Variants in PKD2L2 observed in about 807,000 individuals in gnomAD.
PKD2L2 encodes polycystin 2 like 2, transient receptor potential cation channel.
Under a neutral mutation model 83.9 loss-of-function variants are expected in PKD2L2, and 67 were observed. That is an observed-to-expected ratio of 0.80 (90% CI 0.66 to 0.98). The LOEUF is 0.98. Ranked by LOEUF, PKD2L2 falls within the 50% of genes least tolerant of loss-of-function variation. The probability of loss-of-function intolerance (pLI) is 0.00; values close to 1 mark genes in which losing one functional copy is unlikely to be tolerated. For missense variants in PKD2L2, 632 were observed against 717.2 expected (o/e 0.88, Z 1.36); for synonymous variants, 223 against 237.8 (o/e 0.94, Z 0.57).
At chr5:137,907,447 G>T (rs1757456226) in intron 6 of PKD2L2, among the ~76,000 whole-genome samples, 1 of 152,150 alleles carries the variant, frequency 6.6e-6, no homozygotes, top group Non-Finnish European at 1.5e-5. Context: ...AAATCCTTAT[G>T]GCCTCAGAGT....
chr5:137,928,598 A>G (rs372950506), intron 12 of PKD2L2, among the ~76,000 whole-genome samples: 1 of 152,040 alleles, frequency 6.6e-6, no homozygotes, highest in South Asian at 2.1e-4. Flanking sequence ...CACCCAGCTA[A>G]ATTTTGTGTT....
Position 137,907,761 on chromosome 5 carries a change from C to A in PKD2L2, c.995C>A (p.Ser332Tyr). The A allele has an allele frequency of 6.6e-7, 1 of 1,511,304 alleles. No homozygotes were observed. The highest frequency in any genetic ancestry group is 8.9e-7 in the Non-Finnish European group (1 of 1,125,080). 93.6% of individuals were successfully genotyped at this position (1,511,304 alleles called of 1,614,324 possible). A position where few individuals can be genotyped will look rare whatever the true frequency, so the allele number is the denominator to read the frequency against. ...ATTTAGTTGTGTTTTGTGGCTGTTT[C>A]CTTCAACACATACTATAATGTACAA... ...LLLLLCFVAV[S>Y]FNTYYNVQIF... Residue 332 changes from serine (S) to tyrosine (Y), a missense_variant, in exon 7 of 15, where the codon TCC becomes TAC. Ser to Tyr is a moderately radical substitution (Grantham distance 144). Coordinates refer to ENST00000508883, the MANE Select transcript of PKD2L2 (RefSeq NM_001300921.2).
intron 12 of PKD2L2, 100 bp from the exon 13 acceptor site, chr5:137,935,697 G>C (rs1760271098): frequency 3.0e-6 from 2 of 668,996 alleles, no homozygotes; most frequent in Non-Finnish European, 5.2e-6. Flanking sequence ...GGCTGGAGAG[G>C]AGAACAGCTT....
At chr5:137,894,680 C>A in intron 4 of PKD2L2, 71 bp downstream of exon 4, 3 of 1,176,264 alleles carry the variant, frequency 2.6e-6, no homozygotes, top group Non-Finnish European at 3.7e-6. Context: ...ATGTGTCTTC[C>A]AAGTAACACC....
At chr5:137,903,662 A>G (rs1757137841) in intron 5 of PKD2L2, among the ~76,000 whole-genome samples, 2 of 152,238 alleles carry the variant, frequency 1.3e-5, no homozygotes, top group Admixed American at 1.3e-4. Flanking sequence ...AACATATTGT[A>G]TGTAATCTAC....
chr5:137,924,202 C>A (rs941957838), intron 10 of PKD2L2, among the ~76,000 whole-genome samples: 1 of 152,284 alleles, frequency 6.6e-6, no homozygotes, highest in East Asian at 1.9e-4. Context: ...TTTCCCTAAT[C>A]CTGTCAAGTC....
At chr5:137,901,964 C>G (rs1053167415) in intron 5 of PKD2L2, among the ~76,000 whole-genome samples, 10 of 148,746 alleles carry the variant, frequency 6.7e-5, no homozygotes, top group African/African-American at 2.2e-4. Context: ...ATGACAGAGT[C>G]AATCAAAGAA....
Position 137,899,708 on chromosome 5 carries a change from T to G in PKD2L2, c.717T>G (p.Asn239Lys). Residue 239 changes from asparagine to lysine, a missense_variant, in exon 5 of 15, where the codon AAT (asparagine) becomes AAG (lysine). This residue lies in a region of PKD2L2 where 229 missense variants were observed against 281.5 expected (regional missense o/e 0.81). Coordinates refer to ENST00000508883, the MANE Select transcript of PKD2L2 (RefSeq NM_001300921.2). Reference protein sequence around the residue: ...RVIFIDFSLYNANVNLFCIIR... With the variant: ...RVIFIDFSLYKANVNLFCIIR... ...TTTTTATTGATTTTTCCTTATATAA[T>G]GCTAATGTAAATCTATTTTGTATTA... 1 of 1,606,862 alleles carries G rather than the reference T, an allele frequency of 6.2e-7. No homozygotes were observed. Among genetic ancestry groups the G allele is most frequent in the Non-Finnish European group, 8.5e-7 (1 of 1,174,064 alleles).
At chr5:137,901,998 G>GA (rs113895657) in intron 5 of PKD2L2, among the ~76,000 whole-genome samples, 2,392 of 141,936 alleles carry the variant, frequency 0.017, 49 homozygotes, top group African/African-American at 0.049. Context: ...TGTGGATATG[G>GA]AAAAAAAAAA....
At chr5:137,896,126 A>G (rs1204498154) in intron 4 of PKD2L2, among the ~76,000 whole-genome samples, 1 of 151,932 alleles carries the variant, frequency 6.6e-6, no homozygotes, top group Non-Finnish European at 1.5e-5. Context: ...GCATTGAGCC[A>G]AGATCGGACC....
In PKD2L2 at chr5:137,926,476, T is replaced by C. The variant is rs1038649693; in HGVS notation, c.1671+547T>C. On this transcript the variant is annotated intron_variant, in intron 12 of 14. Transcript: ENST00000508883. Reference sequence around the variant, plus strand: ...ACTGTAATAAGCAAGCAAATAAATATTGAAGTTCTCATTTTCGGATAAAGG... The same window carrying C: ...ACTGTAATAAGCAAGCAAATAAATACTGAAGTTCTCATTTTCGGATAAAGG... 3.3e-5 allele frequency among the ~76,000 whole-genome samples: 5 copies of C among 152,076 alleles called. No individual in the cohort carries two copies. In the East Asian group the frequency reaches 5.8e-4, roughly 18 times the overall value.
chr5:137,897,037 T>A (rs2150005427), intron 4 of PKD2L2, among the ~76,000 whole-genome samples: 1 of 2,640 alleles, frequency 3.8e-4, no homozygotes, highest in South Asian at 0.025. Context: ...ATTATTATAT[T>A]ATTATTATTA....
chr5:137,923,521 G>A lies in PKD2L2; in HGVS notation c.1551G>A (p.Gln517=), dbSNP rs765304125. 11 of 1,313,924 alleles carry A rather than the reference G, an allele frequency of 8.4e-6. No individual in the cohort carries two copies. In the East Asian group the frequency reaches 2.3e-4, roughly 27 times the overall value. The allele number at this position is 1,313,924 out of a possible 1,614,324, so 81.4% of individuals were successfully genotyped here. The change falls in exon 10 of 15, where the codon CAG becomes CAA. Residue 517 remains glutamine, a splice_region_variant and synonymous_variant. Coordinates refer to ENST00000508883, the MANE Select transcript of PKD2L2 (RefSeq NM_001300921.2). ...TTGAACTTGGCAAAATGATTAAACAGGTAAGTCAAATTTCTTTCCTAATTA... is the reference window on the plus strand; with the variant it reads ...TTGAACTTGGCAAAATGATTAAACAAGTAAGTCAAATTTCTTTCCTAATTA... The part of the protein sequence containing the change: ...LDFELGKMIK[Q]SYKNVLEKFR...
chr5:137,925,847 T>G (rs771293809), intron 11 of PKD2L2, 28 bp from the exon 12 acceptor site: 9 of 1,503,012 alleles, frequency 6.0e-6, no homozygotes, highest in Non-Finnish European at 8.3e-6. Context: ...GTCATTTGCC[T>G]CTGACTTTTA....
At chr5:137,911,437 GTATAAA>G (rs1757828499) in intron 8 of PKD2L2, among the ~76,000 whole-genome samples, 1 of 152,174 alleles carries the variant, frequency 6.6e-6, no homozygotes, top group African/African-American at 2.4e-5. Flanking sequence ...GAACATGGAT[GTATAAA>G]TATCTCTTCA....
At chr5:137,902,391 C>T (rs1334513528) in intron 5 of PKD2L2, among the ~76,000 whole-genome samples, 3 of 152,162 alleles carry the variant, frequency 2.0e-5, no homozygotes, top group African/African-American at 4.8e-5. Context: ...CCACCTCTTC[C>T]GCTCTGCCAC....
At chr5:137,942,202 A>C (rs1762059853) in intron 14 of PKD2L2, among the ~76,000 whole-genome samples, 182 bp from the exon 15 acceptor site, 1 of 152,382 alleles carries the variant, frequency 6.6e-6, no homozygotes, top group East Asian at 1.9e-4. Flanking sequence ...GAATAGCTGA[A>C]GGACTCAAGC....
intron 10 of PKD2L2, among the ~76,000 whole-genome samples, chr5:137,924,532 C>G (rs1759208114): frequency 1.3e-5 from 2 of 152,204 alleles, no homozygotes; most frequent in African/African-American, 4.8e-5. Context: ...CACATCTCCC[C>G]TGCCAGTTTG....
At chr5:137,915,803 CTGT>C (rs1758276470) in intron 8 of PKD2L2, among the ~76,000 whole-genome samples, 2 of 152,268 alleles carry the variant, frequency 1.3e-5, no homozygotes, top group South Asian at 4.1e-4. Context: ...AAGTTGCAAA[CTGT>C]TGTTATAATA....
Sources: gnomAD v4.1 joint callset for allele counts (sites outside exome capture counted in the v4.1 genomes callset) on GRCh38, gnomAD v4.1.1 for gene constraint, gnomAD v4.1.1 regional missense constraint, MANE v1.5 for transcripts, NCBI Gene and HGNC (gene_info 2026-07-23, HGNC 2026-07-21) for gene names.